CFAP20DC: variants seen among roughly 807,000 people sequenced by gnomAD.
The protein encoded by CFAP20DC is CFAP20 domain containing, also known as protein CFAP20DC.
Under a neutral mutation model 101.7 loss-of-function variants are expected in CFAP20DC, and 84 were observed. That is an observed-to-expected ratio of 0.83 (90% CI 0.69 to 0.99). CFAP20DC has a LOEUF of 0.99. Among genes scored for constraint, CFAP20DC ranks in the 50% least tolerant of loss-of-function variants. The pLI, the probability that CFAP20DC is intolerant of heterozygous loss-of-function variation, is 0.00. For missense variants in CFAP20DC, 1,007 were observed against 970.3 expected, an observed-to-expected ratio of 1.04 and a Z score of -0.50; for synonymous variants, 359 against 351.2, an observed-to-expected ratio of 1.02 and a Z score of -0.25.
At chr3:59,022,439 C>A (rs2093819664) in intron 4 of CFAP20DC, among the ~76,000 whole-genome samples, 1 of 152,052 alleles carries the variant, frequency 6.6e-6, no homozygotes, top group African/African-American at 2.4e-5. Context: ...TATGCTAACA[C>A]ATTAGTTTCT....
At chr3:58,936,948 AT>A in intron 5 of CFAP20DC, among the ~76,000 whole-genome samples, 1 of 134,528 alleles carries the variant, frequency 7.4e-6, no homozygotes, top group South Asian at 3.0e-4. Flanking sequence ...AAAAAAATAA[AT>A]TTAAGCCAAA....
At chr3:59,043,439 A>G (rs1699583396) in intron 3 of CFAP20DC, among the ~76,000 whole-genome samples, 1 of 152,020 alleles carries the variant, frequency 6.6e-6, no homozygotes. Flanking sequence ...GATTCAGGAA[A>G]ATAGAGGCAG....
At chr3:58,822,670 C>G (rs1021899834) in intron 14 of CFAP20DC, among the ~76,000 whole-genome samples, 1 of 151,772 alleles carries the variant, frequency 6.6e-6, no homozygotes, top group African/African-American at 2.4e-5. Flanking sequence ...AAAAAAGTAA[C>G]CAATGGAAAC....
In CFAP20DC at chr3:58,939,137, T is replaced by C. The variant is rs536139036; in HGVS notation, c.279-1375A>G. ...TTCACCTCATCCCCTTAAAATGTTATTTTTGTGCATGTCTCATTATACAGT... is the reference window on the plus strand; with the variant it reads ...TTCACCTCATCCCCTTAAAATGTTACTTTTGTGCATGTCTCATTATACAGT... On this transcript the variant is annotated intron_variant, in intron 4 of 16. Coordinates refer to ENST00000482387, the MANE Select transcript of CFAP20DC (RefSeq NM_001394063.1). Among the ~76,000 whole-genome samples the C allele has an allele frequency of 8.5e-5, 13 of 152,364 alleles. No individual in the cohort carries two copies. In the East Asian group the frequency reaches 1.7e-3, roughly 20 times the overall value.
At chr3:58,741,232 A>G (rs1205072815), downstream of CFAP20DC, among the ~76,000 whole-genome samples, 4 of 152,286 alleles carry the variant, frequency 2.6e-5, no homozygotes, top group Non-Finnish European at 5.9e-5. Context: ...TACTTCCTTG[A>G]GCTCAATATT....
intron 4 of CFAP20DC, among the ~76,000 whole-genome samples, chr3:58,965,141 G>A (rs1006105277): frequency 1.3e-5 from 2 of 152,138 alleles, no homozygotes; most frequent in Admixed American, 1.3e-4. Flanking sequence ...CATCCAGCGA[G>A]GTTGGCATTA....
intron 3 of CFAP20DC, among the ~76,000 whole-genome samples, chr3:59,040,020 C>A (rs1285756794): frequency 2.0e-5 from 3 of 151,916 alleles, no homozygotes; most frequent in African/African-American, 7.2e-5. Flanking sequence ...TATTTTTATT[C>A]ACTGGCAGTT....
chr3:59,035,241 G>C (rs2094075364), intron 4 of CFAP20DC, among the ~76,000 whole-genome samples: 1 of 152,118 alleles, frequency 6.6e-6, no homozygotes, highest in Admixed American at 6.6e-5. Context: ...CAGAAAGCGG[G>C]AAAGATCTAA....
intron 4 of CFAP20DC, among the ~76,000 whole-genome samples, chr3:59,030,076 T>G (rs1263610512): frequency 6.6e-6 from 1 of 152,212 alleles, no homozygotes; most frequent in Non-Finnish European, 1.5e-5. Flanking sequence ...TATGAAAACT[T>G]CTTGATGTAT....
At chr3:58,934,590 C>A (rs1432724252) in intron 5 of CFAP20DC, among the ~76,000 whole-genome samples, 2 of 152,196 alleles carry the variant, frequency 1.3e-5, no homozygotes, top group African/African-American at 4.8e-5. Context: ...AAGTGGGCTT[C>A]TTCCCTGGGA....
chr3:58,950,937 G>C (rs1440863089), intron 4 of CFAP20DC, among the ~76,000 whole-genome samples: 1 of 152,170 alleles, frequency 6.6e-6, no homozygotes, highest in African/African-American at 2.4e-5. Context: ...AAAAGCTTCT[G>C]CACAGCAAAA....
chr3:58,745,814 G>A (rs2068153358), intron 16 of CFAP20DC, among the ~76,000 whole-genome samples: 1 of 152,162 alleles, frequency 6.6e-6, no homozygotes, highest in Admixed American at 6.5e-5. Flanking sequence ...GACAAACTCA[G>A]GTCCAAATCC....
intron 15 of CFAP20DC, among the ~76,000 whole-genome samples, chr3:58,768,794 C>T (rs555688446): frequency 6.6e-6 from 1 of 152,322 alleles, no homozygotes; most frequent in African/African-American, 2.4e-5. Flanking sequence ...CGTAGTCTCT[C>T]TTCTTACAAT....
intron 12 of CFAP20DC, among the ~76,000 whole-genome samples, chr3:58,857,682 G>A (rs1357979610): frequency 6.6e-6 from 1 of 152,154 alleles, no homozygotes; most frequent in Non-Finnish European, 1.5e-5. Flanking sequence ...AAGAGAAACT[G>A]GGATGAATGA....
In CFAP20DC at chr3:59,014,434, T is replaced by C. The variant is rs895850805; in HGVS notation, c.278+25123A>G. On this transcript the variant is annotated intron_variant, in intron 4 of 16. Coordinates refer to ENST00000482387, the MANE Select transcript of CFAP20DC (RefSeq NM_001394063.1). The surrounding 1 kb of genome is among the most constrained non-coding windows in gnomAD (Gnocchi z 4.9). ...TTTAACTAAATATTAACTGAAACTTTATGATATCTATAATCCAAATAGTGT... is the reference window on the plus strand; with the variant it reads ...TTTAACTAAATATTAACTGAAACTTCATGATATCTATAATCCAAATAGTGT... Among the ~76,000 whole-genome samples, 1 of 152,202 alleles carries C rather than the reference T, an allele frequency of 6.6e-6. No individual in the cohort carries two copies. Among genetic ancestry groups the C allele is most frequent in the South Asian group, 2.1e-4 (1 of 4,828 alleles).
At chr3:58,856,265 GACAC>G (rs536277954) in intron 12 of CFAP20DC, among the ~76,000 whole-genome samples, 2,362 of 124,036 alleles carry the variant, frequency 0.019, 46 homozygotes, top group African/African-American at 0.05. Flanking sequence ...TTCATCTTCT[GACAC>G]ACACACACAC....
intron 13 of CFAP20DC, among the ~76,000 whole-genome samples, chr3:58,841,091 T>A (rs2077069275): frequency 6.6e-6 from 1 of 152,216 alleles, no homozygotes; most frequent in Non-Finnish European, 1.5e-5. Flanking sequence ...AGTGGGCACA[T>A]GTGGTAGAAA....
intron 3 of CFAP20DC, chr3:58,734,653 T>TTAG (rs2067710820): frequency 2.2e-6 from 1 of 447,476 alleles, no homozygotes; most frequent in African/African-American, 2.0e-5. Flanking sequence ...CAGGTGCCTA[T>TTAG]GGTCCCCAAG....
intron 3 of CFAP20DC, among the ~76,000 whole-genome samples, chr3:58,734,254 T>A (rs1206439093): frequency 6.6e-6 from 1 of 152,156 alleles, no homozygotes; most frequent in Non-Finnish European, 1.5e-5. Context: ...GAACGGTGAG[T>A]TAATTAAATT....
Sources: allele counts gnomAD v4.1 joint callset (sites outside exome capture counted in the v4.1 genomes callset), GRCh38; gene constraint gnomAD v4.1.1; non-coding constraint Gnocchi (gnomAD v3.1); transcripts MANE v1.5; gene names NCBI Gene and HGNC (gene_info 2026-07-23, HGNC 2026-07-21).